Variants in CLTCL1 observed in about 807,000 individuals in gnomAD.
The protein encoded by CLTCL1 is clathrin heavy chain like 1.
In CLTCL1, 159 loss-of-function variants were observed where a neutral mutation model predicts 190.0. The ratio of observed to expected loss-of-function variants is 0.84; its 90% confidence interval spans 0.74 to 0.95. CLTCL1 has a LOEUF of 0.95. Ranked by LOEUF, CLTCL1 falls within the 40% of genes least tolerant of loss-of-function variation. CLTCL1 has a pLI of 0.00. For synonymous variants in CLTCL1, 752 were observed against 769.6 expected (o/e 0.98, Z 0.38); for missense variants, 1,878 against 2,033.4 (o/e 0.92, Z 1.47).
chr22:19,290,226 C>T (rs1333493791), intron 1 of CLTCL1, among the ~76,000 whole-genome samples: 4 of 152,170 alleles, frequency 2.6e-5, no homozygotes, highest in African/African-American at 7.2e-5. Flanking sequence ...TGGAATCAGA[C>T]CTGGGTTAGA....
Position 19,188,103 on chromosome 22 carries a change from AG to A in CLTCL1, c.4324-13del. 1 of 1,613,564 alleles carries A rather than the reference AG, an allele frequency of 6.2e-7. No homozygotes were observed. Among genetic ancestry groups the A allele is most frequent in the Non-Finnish European group, 8.5e-7 (1 of 1,179,504 alleles). The stretch of plus-strand genomic sequence containing the variant: ...GGCAGCTGACCTGCCTGACAAGTTG[AG>A]GGAACCGTCAAGGCACTTGGCCAAG... On this transcript the variant is annotated splice_polypyrimidine_tract_variant and intron_variant, in intron 27 of 32. Transcript: ENST00000427926.
intron 2 of CLTCL1, among the ~76,000 whole-genome samples, chr22:19,267,487 C>T (rs1474450600): frequency 3.3e-5 from 5 of 152,160 alleles, no homozygotes; most frequent in African/African-American, 1.2e-4. Context: ...CAAAGGATCT[C>T]GTTTCAAAGA....
At chr22:19,237,509 G>T (rs2086117204) in intron 5 of CLTCL1, among the ~76,000 whole-genome samples, 2 of 152,200 alleles carry the variant, frequency 1.3e-5, no homozygotes, top group Admixed American at 1.3e-4. Context: ...AGGAGAGTCT[G>T]TGATGAGAGT....
At chr22:19,219,371 G>A (rs1052570468) in intron 18 of CLTCL1, among the ~76,000 whole-genome samples, 2 of 151,910 alleles carry the variant, frequency 1.3e-5, no homozygotes, top group Admixed American at 6.6e-5. Context: ...TTTTAGTAGA[G>A]ATGGGGTTTC....
At chr22:19,214,537 C>T (rs782800119) in intron 19 of CLTCL1, among the ~76,000 whole-genome samples, 4 of 152,008 alleles carry the variant, frequency 2.6e-5, no homozygotes, top group Non-Finnish European at 5.9e-5. Context: ...ATCTTCTTTA[C>T]GATAAAGTGC....
intron 1 of CLTCL1, among the ~76,000 whole-genome samples, chr22:19,286,734 C>G (rs1198067259): frequency 6.6e-6 from 1 of 152,182 alleles, no homozygotes; most frequent in Non-Finnish European, 1.5e-5. Context: ...AAGGCTGTTT[C>G]ACCTGGGCTG....
chr22:19,205,112 A>C (rs2085010727), intron 22 of CLTCL1, among the ~76,000 whole-genome samples: 1 of 152,210 alleles, frequency 6.6e-6, no homozygotes, highest in Admixed American at 6.5e-5. Context: ...AACTTTGCAA[A>C]CACAGGCAAG....
At chr22:19,193,229 T>C (rs1196251140) in intron 26 of CLTCL1, among the ~76,000 whole-genome samples, 2 of 152,204 alleles carry the variant, frequency 1.3e-5, no homozygotes, top group African/African-American at 2.4e-5. Flanking sequence ...CCTGGTACCA[T>C]GTGCACTCTT....
At chr22:19,193,616 A>C (rs1362547411) in intron 26 of CLTCL1, among the ~76,000 whole-genome samples, 1 of 152,236 alleles carries the variant, frequency 6.6e-6, no homozygotes, top group African/African-American at 2.4e-5. Context: ...CACGCCTGTA[A>C]TCCCAGCACT....
intron 27 of CLTCL1, among the ~76,000 whole-genome samples, chr22:19,189,541 C>T (rs1352976007): frequency 6.6e-6 from 1 of 152,218 alleles, no homozygotes; most frequent in Non-Finnish European, 1.5e-5. Flanking sequence ...TAAGAAGCAG[C>T]TCCTCATCTG....
chr22:19,271,994 A>G (rs1555980914), intron 2 of CLTCL1, among the ~76,000 whole-genome samples: 1 of 152,170 alleles, frequency 6.6e-6, no homozygotes, highest in Non-Finnish European at 1.5e-5. Flanking sequence ...CTGTAGTCCT[A>G]GCTACTTCAG....
chr22:19,212,120 G>A (rs1044594987), intron 19 of CLTCL1, among the ~76,000 whole-genome samples: 1 of 152,100 alleles, frequency 6.6e-6, no homozygotes, highest in Non-Finnish European at 1.5e-5. Context: ...AATCAACATA[G>A]TAAAGATATC....
intron 2 of CLTCL1, among the ~76,000 whole-genome samples, chr22:19,255,597 C>G (rs1055291461): frequency 1.6e-4 from 24 of 150,608 alleles, no homozygotes; most frequent in African/African-American, 5.4e-4. Flanking sequence ...ATACTAGCAG[C>G]AAACAATTTG....
chr22:19,259,972 C>G (rs1188518018), intron 2 of CLTCL1, among the ~76,000 whole-genome samples: 2 of 152,202 alleles, frequency 1.3e-5, no homozygotes, highest in Non-Finnish European at 2.9e-5. Flanking sequence ...TCAGTGAACA[C>G]ATTAATGATA....
At chr22:19,189,671 C>T (rs1555930422) in intron 27 of CLTCL1, among the ~76,000 whole-genome samples, 4 of 152,184 alleles carry the variant, frequency 2.6e-5, no homozygotes. Flanking sequence ...AGTCCTGAAC[C>T]CCCAAAGTTA....
Position 19,183,618 on chromosome 22 carries a change from C to G in CLTCL1, c.4606-7G>C. On this transcript the variant is annotated splice_region_variant and splice_polypyrimidine_tract_variant and intron_variant, in intron 29 of 32. Transcript: ENST00000427926. ...CAGCATGCTGCATGGCATCCTGCAG[C>G]CAAGGCAAATGCTTGCTTGGGCATC... 1.9e-6 allele frequency: 3 copies of G among 1,613,060 alleles called. No individual in the cohort carries two copies. The highest frequency in any genetic ancestry group is 2.5e-6 in the Non-Finnish European group (3 of 1,179,612).
chr22:19,207,491 T>A (rs781924941), intron 22 of CLTCL1: 11 of 400,826 alleles, frequency 2.7e-5, no homozygotes, highest in Non-Finnish European at 4.4e-5. Flanking sequence ...TCAATTTCCA[T>A]ACCAATAATA....
rs1555982889 is a variant in CLTCL1, at chr22:19,275,713, C to T, written c.160G>A (p.Asp54Asn). ...ATCGGAGCCATTGGGTCACTCATGT[C>T]AATGATCGTGACCTGTGCCTGCTCA... ...VGEQAQVTIIDMSDPMAPIRR... is the reference protein window; with the variant it reads ...VGEQAQVTIINMSDPMAPIRR... Residue 54 changes from aspartate to asparagine, a missense_variant, in exon 2 of 33, where the codon GAC becomes AAC. Coordinates refer to ENST00000427926, the MANE Select transcript of CLTCL1 (RefSeq NM_007098.4). 6.2e-7 allele frequency: 1 copy of T among 1,607,226 alleles called. No individual in the cohort carries two copies. The highest frequency in any genetic ancestry group is 8.5e-7 in the Non-Finnish European group (1 of 1,176,870).
intron 10 of CLTCL1, among the ~76,000 whole-genome samples, chr22:19,231,618 ATAAT>A (rs556731128): frequency 7.2e-4 from 110 of 152,390 alleles, no homozygotes; most frequent in Non-Finnish European, 1.2e-3. Flanking sequence ...GTTAATTTAA[ATAAT>A]TAATATGCCT....
Sources: allele counts gnomAD v4.1 joint callset (sites outside exome capture counted in the v4.1 genomes callset), GRCh38; gene constraint gnomAD v4.1.1; transcripts MANE v1.5; gene names NCBI Gene and HGNC (gene_info 2026-07-23, HGNC 2026-07-21).